VRK2: variants seen among roughly 807,000 people sequenced by gnomAD.
The protein encoded by VRK2 is VRK serine/threonine kinase 2.
Under a neutral mutation model 57.6 loss-of-function variants are expected in VRK2, and 60 were observed. The observed-to-expected ratio is 1.04, with a 90% confidence interval of 0.85 to 1.29. The LOEUF (loss-of-function observed/expected upper bound fraction) is 1.29, where lower values mean the gene tolerates loss of function less well. Among genes scored for constraint, VRK2 ranks in the 50% most tolerant of loss-of-function variants. The pLI, the probability that VRK2 is intolerant of heterozygous loss-of-function variation, is 0.00. For synonymous variants in VRK2, 231 were observed against 199.2 expected (o/e 1.16, Z -1.35); for missense variants, 705 against 588.1 (o/e 1.20, Z -2.06).
intron 2 of VRK2, among the ~76,000 whole-genome samples, chr2:58,026,305 T>G (rs1673923491): frequency 6.6e-6 from 1 of 151,944 alleles, no homozygotes; most frequent in Non-Finnish European, 1.5e-5. Context: ...CACACACATG[T>G]GCACATGTGT....
chr2:58,155,888 C>G (rs921834776), intron 12 of VRK2, among the ~76,000 whole-genome samples: 4 of 150,698 alleles, frequency 2.7e-5, no homozygotes, highest in Non-Finnish European at 5.9e-5. Context: ...TCCCCCAGGG[C>G]TATTGGTTAC....
At chr2:58,157,796 A>G (rs1475078295) in intron 12 of VRK2, among the ~76,000 whole-genome samples, 2 of 152,264 alleles carry the variant, frequency 1.3e-5, no homozygotes, top group East Asian at 3.8e-4. Flanking sequence ...TTTACTTTCC[A>G]TACAGTTTTT....
At chr2:57,914,308 T>G (rs1383537412) in intron 1 of VRK2, among the ~76,000 whole-genome samples, 1 of 151,682 alleles carries the variant, frequency 6.6e-6, no homozygotes, top group African/African-American at 2.4e-5. Flanking sequence ...TCTCATAAAA[T>G]GACTACATGA....
intron 1 of VRK2, among the ~76,000 whole-genome samples, chr2:58,018,493 T>C (rs1044350992): frequency 1.2e-4 from 18 of 152,336 alleles, no homozygotes; most frequent in Non-Finnish European, 2.5e-4. Flanking sequence ...CTTATGTTCC[T>C]CAAATTTATA....
At chr2:58,132,091 A>G (rs1471701805) in intron 9 of VRK2, 163 bp downstream of exon 9, 2 of 753,680 alleles carry the variant, frequency 2.7e-6, no homozygotes, top group African/African-American at 3.6e-5. Flanking sequence ...CAACTAACAC[A>G]TAAAATCCAT....
At chr2:58,142,000 A>C (rs1681418953) in intron 11 of VRK2, among the ~76,000 whole-genome samples, 1 of 151,970 alleles carries the variant, frequency 6.6e-6, no homozygotes, top group East Asian at 1.9e-4. Flanking sequence ...ATATGTAGTT[A>C]AGTATTTAGT....
intron 1 of VRK2, among the ~76,000 whole-genome samples, chr2:57,914,927 GATT>G (rs773342564): frequency 2.4e-4 from 37 of 151,978 alleles, no homozygotes; most frequent in Non-Finnish European, 4.7e-4. Context: ...AATTTGATTG[GATT>G]ATAAAATATT....
intron 2 of VRK2, among the ~76,000 whole-genome samples, chr2:58,055,888 A>G (rs1375310960): frequency 6.6e-6 from 1 of 152,206 alleles, no homozygotes; most frequent in Non-Finnish European, 1.5e-5. Context: ...TGAGTTTTCT[A>G]TCAATAAAAA....
chr2:58,155,605 T>C (rs1023898616), intron 12 of VRK2, among the ~76,000 whole-genome samples: 2 of 152,014 alleles, frequency 1.3e-5, no homozygotes, highest in Admixed American at 1.3e-4. Flanking sequence ...ACCTTGTTAG[T>C]GTGAGGACGG....
intron 1 of VRK2, among the ~76,000 whole-genome samples, chr2:57,990,069 C>A (rs1255626131): frequency 1.3e-5 from 2 of 152,152 alleles, no homozygotes; most frequent in East Asian, 1.9e-4. Flanking sequence ...AGAATGGCAA[C>A]TTTTTCCTAT....
chr2:57,948,869 T>C (rs921499902), intron 1 of VRK2, among the ~76,000 whole-genome samples: 2 of 152,006 alleles, frequency 1.3e-5, no homozygotes, highest in African/African-American at 4.8e-5. Context: ...TATGGTGTCA[T>C]TGAAGTTAAG....
At chr2:58,052,156 A>G (rs1675838560) in intron 2 of VRK2, among the ~76,000 whole-genome samples, 1 of 152,316 alleles carries the variant, frequency 6.6e-6, no homozygotes, top group East Asian at 1.9e-4. Flanking sequence ...GAAGCCACTT[A>G]TTCATCTAGT....
chr2:57,944,625 A>G (rs1368842352), intron 1 of VRK2, among the ~76,000 whole-genome samples: 2 of 151,580 alleles, frequency 1.3e-5, no homozygotes, highest in African/African-American at 4.9e-5. Flanking sequence ...AATCCCAGCT[A>G]CTCTGGAGGC....
chr2:58,042,813 AT>A (rs1157809889), upstream of VRK2, among the ~76,000 whole-genome samples: 2 of 151,610 alleles, frequency 1.3e-5, no homozygotes, highest in African/African-American at 4.8e-5. Context: ...TTTTCCCCAT[AT>A]TTTTTTTCTG....
chr2:57,980,663 A>G (rs1672393870), intron 1 of VRK2, among the ~76,000 whole-genome samples: 1 of 152,102 alleles, frequency 6.6e-6, no homozygotes, highest in Non-Finnish European at 1.5e-5. Context: ...TTGTGTGGTT[A>G]TGTGTCTCTT....
chr2:58,029,685 A>G (rs1041813373), intron 2 of VRK2, among the ~76,000 whole-genome samples: 1 of 152,048 alleles, frequency 6.6e-6, no homozygotes, highest in Non-Finnish European at 1.5e-5. Flanking sequence ...TGAGGTTGGT[A>G]TGATTTGGGG....
chr2:57,945,282 G>T (rs913596004), intron 1 of VRK2, among the ~76,000 whole-genome samples: 1 of 152,070 alleles, frequency 6.6e-6, no homozygotes, highest in African/African-American at 2.4e-5. Context: ...AAGTATGTAT[G>T]TGCCTCCTTA....
At position 58,051,018 on chromosome 2, in the gene VRK2, T is replaced by C. The variant is rs551135291; in HGVS notation, c.136+2051T>C. ...TGCCACCCTGCCTGGCTAATTTTTG[T>C]ATTTTTAGTAGAAACGGGGTTTTGC... On this transcript the variant is annotated intron_variant, in intron 2 of 12. Coordinates refer to ENST00000340157, the MANE Select transcript of VRK2 (RefSeq NM_006296.7). 4.6e-5 allele frequency among the ~76,000 whole-genome samples: 7 copies of C among 152,306 alleles called. No individual in the cohort carries two copies. The South Asian group carries it at 1.5e-3, about 32-fold the overall frequency.
intron 12 of VRK2, among the ~76,000 whole-genome samples, chr2:58,157,161 T>G (rs962807766): frequency 5.3e-5 from 8 of 152,204 alleles, no homozygotes; most frequent in Admixed American, 2.6e-4. Flanking sequence ...ATATTTTGAC[T>G]AATTTTGTTT....
Sources: gnomAD v4.1 joint callset for allele counts (sites outside exome capture counted in the v4.1 genomes callset) on GRCh38, gnomAD v4.1.1 for gene constraint, MANE v1.5 for transcripts, NCBI Gene and HGNC (gene_info 2026-07-23, HGNC 2026-07-21) for gene names.